The following CENPC variants were observed in gnomAD, a reference collection of about 807,000 sequenced individuals.
CENPC encodes centromere protein C, also known as CENP-C 1.
Under a neutral mutation model 112.1 loss-of-function variants are expected in CENPC, and 63 were observed. The observed-to-expected ratio is 0.56, with a 90% CI of 0.46 to 0.69. The LOEUF (loss-of-function observed/expected upper bound fraction) is 0.69. Ranked by LOEUF, CENPC falls within the 30% of genes least tolerant of loss-of-function variation. CENPC has a pLI of 0.00. For missense variants in CENPC, 1,000 were observed against 1,103.8 expected (o/e 0.91, Z 1.33); for synonymous variants, 333 against 367.6 (o/e 0.91, Z 1.08).
rs1577998123 is a variant in CENPC at position 67,521,280 on chromosome 4, T to A, written c.332-1778A>T. Among the ~76,000 whole-genome samples, 6 of 93,536 alleles carry A rather than the reference T, an allele frequency of 6.4e-5. No homozygotes were observed. The South Asian group carries it at 1.7e-3, about 26-fold the overall frequency. The allele number at this position is 93,536 out of a possible 152,430, so 61.4% of individuals were successfully genotyped here. A position where few individuals can be genotyped will look rare whatever the true frequency, so the allele number is the denominator to read the frequency against. Reference sequence around the variant, plus strand: ...ATCAGATTTTAAAATTATTTAACAATAAATTTTAAAGCAAACATCATAAAA... The same window carrying A: ...ATCAGATTTTAAAATTATTTAACAAAAAATTTTAAAGCAAACATCATAAAA... On this transcript the variant is annotated intron_variant, in intron 5 of 18. Transcript: ENST00000273853.
intron 12 of CENPC, among the ~76,000 whole-genome samples, chr4:67,496,788 T>C (rs1042993216): frequency 6.6e-6 from 1 of 152,042 alleles, no homozygotes; most frequent in Non-Finnish European, 1.5e-5. Context: ...CTAACATCGA[T>C]TGTGTCAATG....
At chr4:67,529,549 C>A (rs1288384912) in intron 5 of CENPC, among the ~76,000 whole-genome samples, 1 of 152,118 alleles carries the variant, frequency 6.6e-6, no homozygotes, top group African/African-American at 2.4e-5. Flanking sequence ...TGGTCTCAAA[C>A]TCCTGACCTC....
chr4:67,490,862 A>G (rs1560422743), intron 16 of CENPC, among the ~76,000 whole-genome samples: 2 of 70,416 alleles, frequency 2.8e-5, no homozygotes, highest in Non-Finnish European at 5.6e-5. Flanking sequence ...ATATATATAT[A>G]TATATATATA....
At chr4:67,473,079 TAC>T (rs1724711356) in intron 18 of CENPC, among the ~76,000 whole-genome samples, 5 of 150,534 alleles carry the variant, frequency 3.3e-5, no homozygotes, top group African/African-American at 4.9e-5. Flanking sequence ...TTTATTTATT[TAC>T]TTATTTTTTG....
In CENPC at chr4:67,514,380, C is replaced by T. The variant is rs368747294; in HGVS notation, c.1138G>A (p.Val380Ile). 1.2e-6 allele frequency: 2 copies of T among 1,613,284 alleles called. No individual in the cohort carries two copies. The highest frequency in any genetic ancestry group is 1.7e-6 in the Non-Finnish European group (2 of 1,179,452). Residue 380 changes from valine to isoleucine, a missense_variant, in exon 8 of 19, where the codon GTA becomes ATA. Val to Ile is a conservative substitution (Grantham distance 29). Coordinates refer to ENST00000273853, the MANE Select transcript of CENPC (RefSeq NM_001812.4). The part of the protein sequence containing the change: ...VETSQPSDKT[V>I]LDTSYALIGE... ...ATCAAAGCATAACTTGTATCCAGTACTGTTTTATCAGAGGGCTGAGATGTC... is the reference window on the plus strand; with the variant it reads ...ATCAAAGCATAACTTGTATCCAGTATTGTTTTATCAGAGGGCTGAGATGTC...
intron 17 of CENPC, among the ~76,000 whole-genome samples, chr4:67,489,162 TA>T (rs1306148577): frequency 1.3e-5 from 2 of 149,880 alleles, no homozygotes; most frequent in Non-Finnish European, 3.0e-5. Flanking sequence ...AGACTACAAA[TA>T]TTTTTTATAT....
At chr4:67,543,284 T>A (rs781068679) in intron 2 of CENPC, among the ~76,000 whole-genome samples, 98 of 152,328 alleles carry the variant, frequency 6.4e-4, no homozygotes, top group Non-Finnish European at 2.5e-4. Flanking sequence ...AATATATGTA[T>A]TCCTACTTTG....
intron 16 of CENPC, among the ~76,000 whole-genome samples, 165 bp from the exon 17 acceptor site, chr4:67,490,286 G>A (rs1333888067): frequency 4.6e-5 from 7 of 152,142 alleles, no homozygotes; most frequent in African/African-American, 1.7e-4. Flanking sequence ...GTCAAATCCT[G>A]TCTCTGTCTT....
At chr4:67,480,148 C>T (rs563698978) in intron 17 of CENPC, among the ~76,000 whole-genome samples, 34 of 152,158 alleles carry the variant, frequency 2.2e-4, no homozygotes, top group African/African-American at 5.3e-4. Context: ...GGCAAAACCC[C>T]GTCTCTACTA....
At chr4:67,516,047 A>G (rs1726049167) in intron 7 of CENPC, among the ~76,000 whole-genome samples, 1 of 152,140 alleles carries the variant, frequency 6.6e-6, no homozygotes, top group East Asian at 1.9e-4. Context: ...TTTCAACTAC[A>G]ATCTTATGGC....
At chr4:67,499,712 C>T (rs961059628) in intron 12 of CENPC, among the ~76,000 whole-genome samples, 6 of 152,172 alleles carry the variant, frequency 3.9e-5, no homozygotes, top group Admixed American at 1.3e-4. Flanking sequence ...TCTTTTCCTT[C>T]AAGAACTTTT....
chr4:67,514,639 G>C lies in CENPC; in HGVS notation c.879C>G (p.Pro293=). The C allele has an allele frequency of 6.2e-7, 1 of 1,607,850 alleles. No homozygotes were observed. ...CATCCTCTATCAACTTCGTATCATC[G>C]GGAGGACACGAATGAGGTGGAGCAG... ...AATAPPHSCP[P]DDTKLIEDEF... is the part of the protein sequence containing the mutation. Residue 293 remains proline, a synonymous_variant, in exon 8 of 19, where the codon CCC becomes CCG. Coordinates refer to ENST00000273853, the MANE Select transcript of CENPC (RefSeq NM_001812.4).
At position 67,471,412 on chromosome 4, in the gene CENPC, T is replaced by G. The variant is rs1577966188; in HGVS notation, c.*1193A>C. On this transcript the variant is annotated 3_prime_UTR_variant, in exon 19 of 19. Coordinates refer to ENST00000273853, the MANE Select transcript of CENPC (RefSeq NM_001812.4). ...AAATTATTAGACATGTAAAAACATA[T>G]GAAAGTGAAATATACTAAAGGAAAA... 1 of 151,932 alleles carries G rather than the reference T, an allele frequency of 6.6e-6. No homozygotes were observed. The highest frequency in any genetic ancestry group is 1.9e-4 in the East Asian group (1 of 5,192). 9.4% of individuals were successfully genotyped at this position (151,932 alleles called of 1,614,324 possible).
rs550689841 is a variant in CENPC at position 67,488,058 on chromosome 4, T to C, written c.2670+1909A>G. On this transcript the variant is annotated intron_variant, in intron 17 of 18. Coordinates refer to ENST00000273853, the MANE Select transcript of CENPC (RefSeq NM_001812.4). ...AATATATAGAAGAAATAAAATCAAC[T>C]AAAATAACTACATAATCACAGAGTA... Among the ~76,000 whole-genome samples the C allele has an allele frequency of 1.8e-4, 27 of 151,846 alleles. 3 individuals carry two copies. The highest frequency in any genetic ancestry group is 6.5e-4 in the African/African-American group (27 of 41,286).
chr4:67,498,750 T>C (rs1725509451), intron 12 of CENPC, among the ~76,000 whole-genome samples: 1 of 152,216 alleles, frequency 6.6e-6, no homozygotes, highest in Admixed American at 6.5e-5. Flanking sequence ...TCTTGAACCC[T>C]TCAAAATCAC....
chr4:67,537,727 A>C (rs1726768397), intron 4 of CENPC, among the ~76,000 whole-genome samples: 1 of 152,180 alleles, frequency 6.6e-6, no homozygotes, highest in South Asian at 2.1e-4. Flanking sequence ...CCGGAGGCAG[A>C]GGTTGCAGTG....
rs1477262032 is a variant in CENPC, at chr4:67,469,235, C to T, written c.*3370G>A. 1 of 152,078 alleles carries T rather than the reference C, an allele frequency of 6.6e-6. No individual in the cohort carries two copies. The highest frequency in any genetic ancestry group is 1.5e-5 in the Non-Finnish European group (1 of 68,020). The allele number at this position is 152,078 out of a possible 1,614,324, so 9.4% of individuals were successfully genotyped here. A position where few individuals can be genotyped will look rare whatever the true frequency, so the allele number is the denominator to read the frequency against. On this transcript the variant is annotated 3_prime_UTR_variant, in exon 19 of 19. Transcript: ENST00000273853. ...ATTAAAAAAACTCTCATGGGTGATG[C>T]CCACGATGGATTAATGGGTATCAAA...
chr4:67,475,120 T>A (rs936754077), intron 17 of CENPC, 142 bp from the exon 18 acceptor site: 1 of 602,208 alleles, frequency 1.7e-6, no homozygotes, highest in African/African-American at 1.9e-5. Context: ...ACATTAAATT[T>A]CATGGCAAAA....
intron 13 of CENPC, among the ~76,000 whole-genome samples, chr4:67,494,235 A>C (rs1215791124): frequency 6.6e-6 from 1 of 152,184 alleles, no homozygotes; most frequent in Non-Finnish European, 1.5e-5. Context: ...TTAAATGTAC[A>C]CTCATCTTAT....
Sources: allele counts gnomAD v4.1 joint callset (sites outside exome capture counted in the v4.1 genomes callset), GRCh38; gene constraint gnomAD v4.1.1; transcripts MANE v1.5; gene names NCBI Gene and HGNC (gene_info 2026-07-23, HGNC 2026-07-21).